The following RPS6KA2 variants were observed in gnomAD, a reference collection of about 807,000 sequenced individuals.
RPS6KA2 encodes ribosomal protein S6 kinase alpha-2.
Under a neutral mutation model 91.8 loss-of-function variants are expected in RPS6KA2, and 42 were observed. That is an observed-to-expected ratio of 0.46 (90% CI 0.36 to 0.59). The LOEUF (loss-of-function observed/expected upper bound fraction) is 0.59. RPS6KA2 is among the 20% of genes least tolerant of loss of function. The pLI is 0.00. For missense variants in RPS6KA2, 798 were observed against 978.5 expected (o/e 0.82, Z 2.46); for synonymous variants, 414 against 393.6 (o/e 1.05, Z -0.61).
intron 3 of RPS6KA2, among the ~76,000 whole-genome samples, chr6:166,518,251 CAAAAAAAAAAA>C (rs11373431): frequency 1.1e-5 from 1 of 87,314 alleles, no homozygotes. Context: ...AACACTGCCT[CAAAAAAAAAAA>C]AAAAAAAAAA....
At chr6:166,485,855 G>T (rs1015648929) in intron 10 of RPS6KA2, among the ~76,000 whole-genome samples, 3 of 152,136 alleles carry the variant, frequency 2.0e-5, no homozygotes, top group Admixed American at 6.5e-5. Context: ...CTCTGTCCAA[G>T]GCTGCATCTC....
intron 1 of RPS6KA2, among the ~76,000 whole-genome samples, chr6:166,858,524 TGAAGC>T: frequency 6.6e-6 from 1 of 152,316 alleles, no homozygotes; most frequent in East Asian, 1.9e-4. Flanking sequence ...ACTAAATCAA[TGAAGC>T]GAGTGTGACT....
intron 2 of RPS6KA2, among the ~76,000 whole-genome samples, chr6:166,647,966 A>G (rs1320017041): frequency 2.1e-5 from 3 of 141,070 alleles, no homozygotes; most frequent in East Asian, 4.6e-4. Flanking sequence ...ATGCTTACAT[A>G]CATACACACA....
At chr6:166,478,154 T>C (rs889467817) in intron 10 of RPS6KA2, among the ~76,000 whole-genome samples, 1 of 152,122 alleles carries the variant, frequency 6.6e-6, no homozygotes, top group Non-Finnish European at 1.5e-5. Flanking sequence ...GCGGGGGCGG[T>C]TACCATGCGT....
intron 1 of RPS6KA2, among the ~76,000 whole-genome samples, chr6:166,591,462 T>G (rs1159861179): frequency 6.6e-6 from 1 of 152,026 alleles, no homozygotes; most frequent in Non-Finnish European, 1.5e-5. Context: ...GCAAATGTGA[T>G]TAGTTAAAAC....
intron 2 of RPS6KA2, among the ~76,000 whole-genome samples, chr6:166,814,115 A>G (rs1383949821): frequency 1.3e-5 from 2 of 152,348 alleles, no homozygotes; most frequent in Admixed American, 1.3e-4. Context: ...GTATGGTTTT[A>G]TGCCTAAATT....
intron 11 of RPS6KA2, among the ~76,000 whole-genome samples, chr6:166,464,047 G>A (rs1022177164): frequency 2.0e-5 from 3 of 152,286 alleles, no homozygotes; most frequent in Non-Finnish European, 2.9e-5. Flanking sequence ...TAGAAATCTC[G>A]CTGCTGGCAA....
At chr6:166,443,334 G>T (rs1779579221) in intron 14 of RPS6KA2, among the ~76,000 whole-genome samples, 1 of 151,900 alleles carries the variant, frequency 6.6e-6, no homozygotes. Flanking sequence ...TGTTTTTTTT[G>T]GTCATGTGAT....
chr6:166,592,053 C>T (rs1218624492), intron 1 of RPS6KA2, among the ~76,000 whole-genome samples: 2 of 152,182 alleles, frequency 1.3e-5, no homozygotes, highest in African/African-American at 2.4e-5. Context: ...CCAGCCAGGG[C>T]GCAGCAGTGA....
chr6:166,642,992 TC>T (rs1787492517), intron 2 of RPS6KA2, among the ~76,000 whole-genome samples: 1 of 152,234 alleles, frequency 6.6e-6, no homozygotes. Flanking sequence ...TCAGCTTTCC[TC>T]AACTGAGATG....
chr6:166,561,266 C>A (rs1784334057), intron 1 of RPS6KA2, among the ~76,000 whole-genome samples: 1 of 152,106 alleles, frequency 6.6e-6, no homozygotes, highest in South Asian at 2.1e-4. Context: ...CATTTCAAGA[C>A]CTTCCCTCCA....
chr6:166,543,199 T>C (rs1409517492), intron 1 of RPS6KA2, among the ~76,000 whole-genome samples: 1 of 152,146 alleles, frequency 6.6e-6, no homozygotes, highest in African/African-American at 2.4e-5. Flanking sequence ...AAACGCTTAA[T>C]GACAGAGTAC....
At chr6:166,861,473 G>A (rs1205243036) in intron 1 of RPS6KA2, among the ~76,000 whole-genome samples, 6 of 152,320 alleles carry the variant, frequency 3.9e-5, no homozygotes, top group South Asian at 2.1e-4. Flanking sequence ...AGAGGTTTGC[G>A]TGTCCCCAGG....
intron 2 of RPS6KA2, among the ~76,000 whole-genome samples, chr6:166,736,086 T>G (rs11964156): frequency 0.27 from 41,298 of 152,206 alleles, 7,345 homozygotes; most frequent in African/African-American, 0.51. Flanking sequence ...ATTTATCACC[T>G]AAGTAAGGCT....
At position 166,533,299 on chromosome 6, in the gene RPS6KA2, A is replaced by G. The variant is rs1037689644; in HGVS notation, c.217-1986T>C. On this transcript the variant is annotated intron_variant, in intron 2 of 20. Coordinates refer to ENST00000265678, the MANE Select transcript of RPS6KA2 (RefSeq NM_021135.6). This position sits in a 1 kb window ranked among gnomAD's most constrained non-coding sequence, Gnocchi z 4.0. Reference sequence around the variant, plus strand: ...GTTGACTTGATGAGTGGTGCTGTGGAGATCAGGACCAGCCAGGACAGTGCA... The same window carrying G: ...GTTGACTTGATGAGTGGTGCTGTGGGGATCAGGACCAGCCAGGACAGTGCA... 6.6e-6 allele frequency among the ~76,000 whole-genome samples: 1 copy of G among 152,132 alleles called. No individual in the cohort carries two copies. Among genetic ancestry groups the G allele is most frequent in the Non-Finnish European group, 1.5e-5 (1 of 68,026 alleles).
At chr6:166,631,424 C>G (rs916144255), upstream of RPS6KA2, among the ~76,000 whole-genome samples, 1 of 152,220 alleles carries the variant, frequency 6.6e-6, no homozygotes, top group Non-Finnish European at 1.5e-5. Flanking sequence ...CCTCATCCCC[C>G]ATCCAACCTG....
At chr6:166,544,832 T>C (rs561581665) in intron 1 of RPS6KA2, 28 of 152,316 alleles carry the variant, frequency 1.8e-4, no homozygotes, top group African/African-American at 6.5e-4. Context: ...GTCCAATCAA[T>C]TCCTTAGGAA....
intron 10 of RPS6KA2, among the ~76,000 whole-genome samples, chr6:166,480,474 T>TGA (rs1781152640): frequency 5.6e-5 from 4 of 71,180 alleles, no homozygotes; most frequent in South Asian, 1.1e-3. Flanking sequence ...CTTAAGATTG[T>TGA]GATTTTATAT....
At chr6:166,858,217 C>T in exon 2 of RPS6KA2, 1 of 1,539,360 alleles carries the variant, frequency 6.5e-7, no homozygotes, top group Non-Finnish European at 9.0e-7. Flanking sequence ...GCAGTGTCTT[C>T]TGTGGTGGGC....
Sources: allele counts gnomAD v4.1 joint callset (sites outside exome capture counted in the v4.1 genomes callset), GRCh38; gene constraint gnomAD v4.1.1; non-coding constraint Gnocchi (gnomAD v3.1); transcripts MANE v1.5; gene names NCBI Gene and HGNC (gene_info 2026-07-23, HGNC 2026-07-21).